Variants in VANGL1 observed in about 807,000 individuals in gnomAD.
VANGL1 encodes the protein vang-like protein 1.
A neutral mutation model predicts 48.4 loss-of-function variants in VANGL1; 18 were observed. The ratio of observed to expected loss-of-function variants is 0.37; its 90% CI spans 0.26 to 0.55. The LOEUF (loss-of-function observed/expected upper bound fraction) is 0.55. VANGL1 is among the 20% of genes least tolerant of loss of function. The probability of loss-of-function intolerance (pLI) is 0.81; values close to 1 mark genes in which losing one functional copy is unlikely to be tolerated. For synonymous variants in VANGL1, 257 were observed against 261.8 expected, an observed-to-expected ratio of 0.98 and a Z score of 0.18; for missense variants, 667 against 675.8, an observed-to-expected ratio of 0.99 and a Z score of 0.14.
At chr1:115,672,855 TCA>T (rs1653033678) in intron 4 of VANGL1, among the ~76,000 whole-genome samples, 1 of 152,220 alleles carries the variant, frequency 6.6e-6, no homozygotes, top group African/African-American at 2.4e-5. Context: ...TCTCTGGGAC[TCA>T]CACAAATATT....
At chr1:115,677,522 G>C (rs182991203) in intron 4 of VANGL1, among the ~76,000 whole-genome samples, 1 of 152,360 alleles carries the variant, frequency 6.6e-6, no homozygotes. Flanking sequence ...GACCAGCCTA[G>C]ACTGAAGCCT....
In VANGL1 at chr1:115,677,983, A is replaced by G. The variant is rs117840965; in HGVS notation, c.813-4381A>G. ...CCCTTTTTGCCTCTGAAATTCCATGATTTTATGAAATACATATTCAAGACT... is the reference window on the plus strand; with the variant it reads ...CCCTTTTTGCCTCTGAAATTCCATGGTTTTATGAAATACATATTCAAGACT... On this transcript the variant is annotated intron_variant, in intron 4 of 7. Transcript: ENST00000355485. Among the ~76,000 whole-genome samples the G allele has an allele frequency of 1.9e-3, 284 of 152,262 alleles. 9 individuals are homozygous for G. In the South Asian group the frequency reaches 0.043, roughly 23 times the overall value.
chr1:115,665,994 A>G (rs1271311763), intron 4 of VANGL1, among the ~76,000 whole-genome samples: 2 of 152,212 alleles, frequency 1.3e-5, no homozygotes, highest in African/African-American at 4.8e-5. Context: ...TGATAGGAAC[A>G]CAGGAGGACA....
chr1:115,680,545 A>C (rs1346170438), intron 4 of VANGL1, among the ~76,000 whole-genome samples: 1 of 152,208 alleles, frequency 6.6e-6, no homozygotes, highest in Non-Finnish European at 1.5e-5. Context: ...ATTTCCCCTG[A>C]TAGTGTTCCC....
chr1:115,659,199 C>CA (rs1356619809), intron 2 of VANGL1, among the ~76,000 whole-genome samples: 2 of 151,740 alleles, frequency 1.3e-5, no homozygotes, highest in East Asian at 1.9e-4. Flanking sequence ...GGATATTCTA[C>CA]AAAAAAATAG....
At chr1:115,659,507 G>C (rs1570745795) in intron 2 of VANGL1, 134 bp from the exon 3 acceptor site, 8 of 87,658 alleles carry the variant, frequency 9.1e-5, no homozygotes, top group South Asian at 6.1e-4. Context: ...TTGATGCTCT[G>C]TGTGTGTGTG....
chr1:115,671,379 C>G (rs1431514204), intron 4 of VANGL1: 1 of 152,404 alleles, frequency 6.6e-6, no homozygotes, highest in Non-Finnish European at 1.5e-5. Flanking sequence ...GGCTGCAAAG[C>G]CGCCACTCAA....
At chr1:115,670,227 C>T (rs1652929251) in intron 4 of VANGL1, among the ~76,000 whole-genome samples, 1 of 152,138 alleles carries the variant, frequency 6.6e-6, no homozygotes, top group East Asian at 1.9e-4. Context: ...TCTTGGACCC[C>T]CAACCTCCAG....
intron 1 of VANGL1, among the ~76,000 whole-genome samples, chr1:115,648,063 G>A (rs898672285): frequency 3.9e-5 from 6 of 152,006 alleles, no homozygotes; most frequent in Non-Finnish European, 7.4e-5. Context: ...TGAGGGGAGA[G>A]GAGAGGGAGT....
Position 115,693,340 on chromosome 1 carries a change from A to G in VANGL1, c.*1961A>G, listed in dbSNP as rs1289320158. The G allele has an allele frequency of 6.6e-6, 1 of 152,624 alleles. No individual in the cohort carries two copies. Among genetic ancestry groups the G allele is most frequent in the Non-Finnish European group, 1.5e-5 (1 of 68,034 alleles). 9.5% of individuals were successfully genotyped at this position (152,624 alleles called of 1,614,324 possible). A position where few individuals can be genotyped will look rare whatever the true frequency, so the allele number is the denominator to read the frequency against. ...TCAGAGGTTGCTACGTCATGGATAC[A>G]GTGCAGTTCCAAGTGCCATAAGTGT... On this transcript the variant is annotated 3_prime_UTR_variant, in exon 8 of 8. Coordinates refer to ENST00000355485, the MANE Select transcript of VANGL1 (RefSeq NM_138959.3).
At chr1:115,647,813 G>A (rs1651995517) in intron 1 of VANGL1, among the ~76,000 whole-genome samples, 1 of 152,186 alleles carries the variant, frequency 6.6e-6, no homozygotes, top group South Asian at 2.1e-4. Context: ...GAACAGGACA[G>A]GATACTGGAG....
intron 6 of VANGL1, 134 bp downstream of exon 6, chr1:115,684,210 C>A: frequency 1.0e-6 from 1 of 960,312 alleles, no homozygotes; most frequent in Non-Finnish European, 1.4e-6. Flanking sequence ...AAGATCTTGG[C>A]TCACTGTCAC....
Position 115,694,541 on chromosome 1 carries a change from G to A in VANGL1, c.*3162G>A, listed in dbSNP as rs978020758. The A allele has an allele frequency of 6.6e-6, 1 of 152,150 alleles. No individual in the cohort carries two copies. The highest frequency in any genetic ancestry group is 1.5e-5 in the Non-Finnish European group (1 of 68,042). 9.4% of individuals were successfully genotyped at this position (152,150 alleles called of 1,614,324 possible). A position where few individuals can be genotyped will look rare whatever the true frequency, so the allele number is the denominator to read the frequency against. On this transcript the variant is annotated 3_prime_UTR_variant, in exon 8 of 8. Coordinates refer to ENST00000355485, the MANE Select transcript of VANGL1 (RefSeq NM_138959.3). ...TTTTGCCTCATAATCACTTTCGAGT[G>A]CATGTATTTACCTAAGGGCTGTAGC...
intron 4 of VANGL1, among the ~76,000 whole-genome samples, chr1:115,680,902 G>C (rs988524295): frequency 5.9e-5 from 9 of 152,128 alleles, no homozygotes; most frequent in African/African-American, 2.2e-4. Flanking sequence ...CTTGTAAGCC[G>C]ATCTGCTTAG....
In VANGL1 at chr1:115,683,941, A is replaced by C; in HGVS notation, c.947-3A>C. Reference sequence around the variant, plus strand: ...CTATTCTTTCACTGTCCTTTCCCCAAAGGCCCCAGTAACAATGCCACTGGC... The same window carrying C: ...CTATTCTTTCACTGTCCTTTCCCCACAGGCCCCAGTAACAATGCCACTGGC... On this transcript the variant is annotated splice_polypyrimidine_tract_variant and splice_region_variant and intron_variant, in intron 5 of 7. Coordinates refer to ENST00000355485, the MANE Select transcript of VANGL1 (RefSeq NM_138959.3). 6.2e-7 allele frequency: 1 copy of C among 1,613,098 alleles called. No individual in the cohort carries two copies. The highest frequency in any genetic ancestry group is 1.1e-5 in the South Asian group (1 of 91,050).
Position 115,685,339 on chromosome 1 carries a change from C to T in VANGL1, c.1126C>T (p.Gln376Ter), listed in dbSNP as rs1462948583. 3 of 1,614,196 alleles carry T rather than the reference C, an allele frequency of 1.9e-6. No individual in the cohort carries two copies. The highest frequency in any genetic ancestry group is 2.5e-6 in the Non-Finnish European group (3 of 1,180,024). ...EEAFIHIQRLQAEEQQKAPGE... is the reference protein window; with the variant it reads ...EEAFIHIQRL The stretch of plus-strand genomic sequence containing the variant: ...GGCCTTCATCCACATTCAGCGTCTC[C>T]AGGCTGAGGAGCAGCAGAAAGCCCC... Residue 376 changes from glutamine (Q) to a stop codon, truncating the protein, a stop_gained, in exon 7 of 8, where the codon CAG becomes TAG. Coordinates refer to ENST00000355485, the MANE Select transcript of VANGL1 (RefSeq NM_138959.3). LOFTEE classifies it high-confidence loss of function.
chr1:115,689,288 C>T (rs1290369780), intron 7 of VANGL1, among the ~76,000 whole-genome samples: 4 of 136,156 alleles, frequency 2.9e-5, no homozygotes, highest in Non-Finnish European at 6.4e-5. Context: ...AATAGATGCT[C>T]CACAGATGAA....
At chr1:115,663,544 C>G (rs1285792048) in intron 3 of VANGL1, 117 bp from the exon 4 acceptor site, 1 of 1,396,042 alleles carries the variant, frequency 7.2e-7, no homozygotes, top group Non-Finnish European at 9.9e-7. Context: ...CTTTCATTTT[C>G]TGGAAGCCTT....
Position 115,662,873 on chromosome 1 carries a change from G to A in VANGL1, c.205-788G>A, listed in dbSNP as rs575595134. ...ACGATCTCAGCTCACTGCAACCTCCGACTCCCGGGTTCAAGCGATTCTCCT... is the reference window on the plus strand; with the variant it reads ...ACGATCTCAGCTCACTGCAACCTCCAACTCCCGGGTTCAAGCGATTCTCCT... On this transcript the variant is annotated intron_variant, in intron 3 of 7. Transcript: ENST00000355485. 4.7e-4 allele frequency among the ~76,000 whole-genome samples: 71 copies of A among 149,714 alleles called. No individual in the cohort carries two copies. The South Asian group carries it at 5.7e-3, about 12-fold the overall frequency.
Sources: gnomAD v4.1 joint callset for allele counts (sites outside exome capture counted in the v4.1 genomes callset) on GRCh38, gnomAD v4.1.1 for gene constraint, MANE v1.5 for transcripts, NCBI Gene and HGNC (gene_info 2026-07-23, HGNC 2026-07-21) for gene names.